The following CEP83 variants were observed in gnomAD, a reference collection of about 807,000 sequenced individuals.
The protein encoded by CEP83 is centrosomal protein 83, also known as centrosomal protein of 83 kDa.
A neutral mutation model predicts 101.9 loss-of-function variants in CEP83; 70 were observed. The observed-to-expected ratio is 0.69, with a 90% CI of 0.57 to 0.84. The LOEUF is 0.84. Among genes scored for constraint, CEP83 ranks in the 40% least tolerant of loss-of-function variants. CEP83 has a pLI of 0.00. For missense variants in CEP83, 715 were observed against 787.2 expected (o/e 0.91, Z 1.10); for synonymous variants, 264 against 267.9 (o/e 0.99, Z 0.14).
At chr12:94,283,845 A>C in the CEP83 span, among the ~76,000 whole-genome samples, 1 of 152,168 alleles carries the variant, frequency 6.6e-6, no homozygotes, top group Non-Finnish European at 1.5e-5. Context: ...GCACTTCGGG[A>C]GGCTGAGGTG....
At chr12:94,329,256 G>A (rs1014766877) in intron 14 of CEP83, among the ~76,000 whole-genome samples, 1 of 151,946 alleles carries the variant, frequency 6.6e-6, no homozygotes, top group African/African-American at 2.4e-5. Flanking sequence ...GTGTTTTGGG[G>A]TTTTTTTGTT....
intron 14 of CEP83, among the ~76,000 whole-genome samples, chr12:94,317,010 A>G (rs994324983): frequency 2.0e-5 from 3 of 152,136 alleles, no homozygotes; most frequent in Admixed American, 2.0e-4. Flanking sequence ...TGCTTTCCAC[A>G]ATGGTTGAAC....
At chr12:94,401,124 G>T in intron 5 of CEP83, 143 bp from the exon 6 acceptor site, 1 of 383,138 alleles carries the variant, frequency 2.6e-6, no homozygotes, top group Non-Finnish European at 4.4e-6. Flanking sequence ...AAATACAAAT[G>T]AATTTGGAAA....
chr12:94,433,254 C>T (rs574478213), intron 2 of CEP83, among the ~76,000 whole-genome samples: 2 of 151,624 alleles, frequency 1.3e-5, no homozygotes, highest in African/African-American at 4.8e-5. Flanking sequence ...AAAAATAAGT[C>T]GTTTATTTGC....
chr12:94,358,808 A>C (rs1593391651), intron 11 of CEP83, among the ~76,000 whole-genome samples: 1 of 152,266 alleles, frequency 6.6e-6, no homozygotes, highest in Non-Finnish European at 1.5e-5. Context: ...AAATCTAAGA[A>C]GGGAGACATG....
At chr12:94,292,516 A>G in the CEP83 span, among the ~76,000 whole-genome samples, 2 of 152,214 alleles carry the variant, frequency 1.3e-5, no homozygotes, top group Non-Finnish European at 2.9e-5. Context: ...CAAGCTTTTG[A>G]AAAAATGTCA....
intron 11 of CEP83, among the ~76,000 whole-genome samples, chr12:94,343,337 C>G (rs546782910): frequency 4.6e-5 from 7 of 152,000 alleles, no homozygotes; most frequent in Admixed American, 2.0e-4. Flanking sequence ...TTTTTTGCAC[C>G]CTGGGTGCCT....
At position 94,367,943 on chromosome 12, in the gene CEP83, C is replaced by T. The variant is rs1454522956; in HGVS notation, c.1194G>A (p.Lys398=). Residue 398 remains lysine (K), a splice_region_variant and synonymous_variant, in exon 11 of 17, where the codon AAG becomes AAA. Transcript: ENST00000397809. ...YQKLVVLQDE[K]LELENRLADL... is the part of the protein sequence containing the mutation. The stretch of plus-strand genomic sequence containing the variant: ...CTGCTAATCTGTTCTCGAGTTCTAA[C>T]CTAAAACAAGAGATCATAATTATGT... The T allele has an allele frequency of 4.3e-6, 7 of 1,611,832 alleles. No homozygotes were observed. The highest frequency in any genetic ancestry group is 5.9e-6 in the Non-Finnish European group (7 of 1,179,086).
At chr12:94,383,229 A>G (rs1321651859) in intron 6 of CEP83, among the ~76,000 whole-genome samples, 12 of 151,994 alleles carry the variant, frequency 7.9e-5, no homozygotes, top group Non-Finnish European at 2.9e-5. Context: ...ATAGCTTTGT[A>G]TATCCTTTTA....
chr12:94,318,450 T>C (rs1593116296), intron 14 of CEP83, among the ~76,000 whole-genome samples: 1 of 152,182 alleles, frequency 6.6e-6, no homozygotes, highest in Admixed American at 6.6e-5. Context: ...TTTAATACTA[T>C]GTTGAATGGG....
rs1377900115 is a variant in CEP83, at chr12:94,307,868, T to G, written c.*945A>C. The G allele has an allele frequency of 1.3e-5, 2 of 152,196 alleles. No homozygotes were observed. The highest frequency in any genetic ancestry group is 4.8e-5 in the African/African-American group (2 of 41,452). 9.4% of individuals were successfully genotyped at this position (152,196 alleles called of 1,614,324 possible). A position where few individuals can be genotyped will look rare whatever the true frequency, so the allele number is the denominator to read the frequency against. ...CAATTACAGTCCTGGCCTTCTTCAC[T>G]ATCAACTGGGACTTTTGACTATGAA... On this transcript the variant is annotated 3_prime_UTR_variant, in exon 17 of 17. Transcript: ENST00000397809.
chr12:94,453,270 T>C (rs1297344503), intron 1 of CEP83, among the ~76,000 whole-genome samples: 9 of 152,224 alleles, frequency 5.9e-5, no homozygotes, highest in Admixed American at 1.3e-4. Flanking sequence ...ACCACTAACG[T>C]TGATGACTCT....
At chr12:94,303,556 C>T (rs1397864250), downstream of CEP83, among the ~76,000 whole-genome samples, 1 of 152,098 alleles carries the variant, frequency 6.6e-6, no homozygotes, top group Non-Finnish European at 1.5e-5. Context: ...AACAGTGACT[C>T]ACCAGAACTA....
rs201551331 is a variant in CEP83, at chr12:94,406,349, A to AAAC, written c.325-3090_325-3088dup. Among the ~76,000 whole-genome samples the AAAC allele has an allele frequency of 1.5e-3, 234 of 151,594 alleles. 1 individual carries two copies. Among genetic ancestry groups the AAAC allele is most frequent in the African/African-American group, 4.0e-3 (165 of 41,272 alleles). ...TCAAAAACAAAACAAAACAAAACAA[A>AAAC]AACAACAACAACAACAACAACAACA... On this transcript the variant is annotated intron_variant, in intron 4 of 16. Transcript: ENST00000397809.
chr12:94,398,660 G>GACAACCATA (rs2063055161), intron 6 of CEP83, among the ~76,000 whole-genome samples: 2 of 152,170 alleles, frequency 1.3e-5, no homozygotes, highest in Non-Finnish European at 2.9e-5. Context: ...AACAAGGGAA[G>GACAACCATA]ACAACCATAA....
chr12:94,400,172 A>G (rs2063168826), intron 6 of CEP83, among the ~76,000 whole-genome samples: 1 of 152,246 alleles, frequency 6.6e-6, no homozygotes, highest in Non-Finnish European at 1.5e-5. Flanking sequence ...TTTTATGAAT[A>G]TGGCAGGATA....
At chr12:94,345,677 AC>A (rs879447766) in intron 11 of CEP83, among the ~76,000 whole-genome samples, 2 of 152,166 alleles carry the variant, frequency 1.3e-5, no homozygotes, top group African/African-American at 4.8e-5. Flanking sequence ...AGGTCATAAG[AC>A]CCGCATTTCT....
At chr12:94,356,350 A>G (rs147076924) in intron 11 of CEP83, among the ~76,000 whole-genome samples, 9,442 of 152,306 alleles carry the variant, frequency 0.062, 362 homozygotes, top group Admixed American at 0.09. Flanking sequence ...AGCTAAAGCT[A>G]AAGCGGCAAA....
At chr12:94,459,401 A>G (rs1594215011) in intron 1 of CEP83, among the ~76,000 whole-genome samples, 156 bp downstream of exon 1, 1 of 152,208 alleles carries the variant, frequency 6.6e-6, no homozygotes, top group East Asian at 1.9e-4. Flanking sequence ...CTCCATGAAG[A>G]GTTTCACGTG....
Sources: allele counts gnomAD v4.1 joint callset (sites outside exome capture counted in the v4.1 genomes callset), GRCh38; gene constraint gnomAD v4.1.1; transcripts MANE v1.5; gene names NCBI Gene and HGNC (gene_info 2026-07-23, HGNC 2026-07-21).